The following CNTNAP5 variants were observed in gnomAD, a reference collection of about 807,000 sequenced individuals.
The protein encoded by CNTNAP5 is contactin associated protein family member 5.
Under a neutral mutation model 150.2 loss-of-function variants are expected in CNTNAP5, and 72 were observed. That is an observed-to-expected ratio of 0.48 (90% CI 0.40 to 0.58). The LOEUF (loss-of-function observed/expected upper bound fraction) is 0.58, where lower values mean the gene tolerates loss of function less well. Among genes scored for constraint, CNTNAP5 ranks in the 20% least tolerant of loss-of-function variants. The pLI is 0.00. For missense variants in CNTNAP5, 1,636 were observed against 1,626.2 expected, an observed-to-expected ratio of 1.01 and a Z score of -0.10; for synonymous variants, 672 against 619.8, an observed-to-expected ratio of 1.08 and a Z score of -1.25.
chr2:124,133,387 C>G lies in CNTNAP5; in HGVS notation c.83-88318C>G, dbSNP rs547331173. Among the ~76,000 whole-genome samples, 123 of 152,292 alleles carry G rather than the reference C, an allele frequency of 8.1e-4. 1 individual carries two copies. The highest frequency in any genetic ancestry group is 1.6e-3 in the Admixed American group (24 of 15,298). ...CAACACCTTTTGCAAAGTGACTTGCCTTCCTTGGATGATCTAAGCTTCCGT... is the reference window on the plus strand; with the variant it reads ...CAACACCTTTTGCAAAGTGACTTGCGTTCCTTGGATGATCTAAGCTTCCGT... On this transcript the variant is annotated intron_variant, in intron 1 of 23. Coordinates refer to ENST00000682447, the MANE Select transcript of CNTNAP5 (RefSeq NM_001367498.1).
At position 124,176,842 on chromosome 2, in the gene CNTNAP5, G is replaced by GTTTTTTTTTTTT. The variant is rs71394026; in HGVS notation, c.83-44854_83-44843dup. ...TCAGATAATGTCTTTGTTATTGCTG[G>GTTTTTTTTTTTT]TTTTTTTTTTTTTTTTTTTTACATG... On this transcript the variant is annotated intron_variant, in intron 1 of 23. Coordinates refer to ENST00000682447, the MANE Select transcript of CNTNAP5 (RefSeq NM_001367498.1). 2.3e-3 allele frequency among the ~76,000 whole-genome samples: 274 copies of GTTTTTTTTTTTT among 119,852 alleles called. 10 individuals carry two copies. The highest frequency in any genetic ancestry group is 3.2e-3 in the Non-Finnish European group (189 of 59,098). The allele number at this position is 119,852 out of a possible 152,430, so 78.6% of individuals were successfully genotyped here.
intron 1 of CNTNAP5, among the ~76,000 whole-genome samples, chr2:124,201,424 T>C (rs965151499): frequency 6.6e-6 from 1 of 152,242 alleles, no homozygotes; most frequent in African/African-American, 2.4e-5. Context: ...ATCCGTTATG[T>C]ATGATCACAT....
intron 6 of CNTNAP5, among the ~76,000 whole-genome samples, chr2:124,465,297 C>T (rs149049017): frequency 6.6e-6 from 1 of 152,236 alleles, no homozygotes; most frequent in East Asian, 1.9e-4. Flanking sequence ...ACCAGATGGA[C>T]TATGTTGTCC....
At chr2:124,678,161 T>C (rs1300055377) in intron 13 of CNTNAP5, among the ~76,000 whole-genome samples, 1 of 151,830 alleles carries the variant, frequency 6.6e-6, no homozygotes, top group African/African-American at 2.4e-5. Context: ...TGGGGTCCAG[T>C]GATCAATAGG....
chr2:124,838,090 A>T lies in CNTNAP5; in HGVS notation c.3218-27216A>T, dbSNP rs557384683. ...ATTCATTACCTTGATTCTTTGTAGA[A>T]TGTCTGCAAATGTAGCTTCAGAGGG... On this transcript the variant is annotated intron_variant, in intron 19 of 23. Coordinates refer to ENST00000682447, the MANE Select transcript of CNTNAP5 (RefSeq NM_001367498.1). Among the ~76,000 whole-genome samples the T allele has an allele frequency of 5.6e-4, 86 of 152,272 alleles. 1 individual carries two copies. The highest frequency in any genetic ancestry group is 4.8e-3 in the Admixed American group (74 of 15,260).
At chr2:124,583,665 T>A (rs1696463961) in intron 11 of CNTNAP5, among the ~76,000 whole-genome samples, 1 of 152,080 alleles carries the variant, frequency 6.6e-6, no homozygotes, top group Non-Finnish European at 1.5e-5. Flanking sequence ...TTTTGGGAGG[T>A]TTGGAAGGGG....
chr2:124,363,502 A>C (rs967762003), intron 3 of CNTNAP5, among the ~76,000 whole-genome samples: 1 of 152,118 alleles, frequency 6.6e-6, no homozygotes, highest in Non-Finnish European at 1.5e-5. Flanking sequence ...ATAGTTCCCA[A>C]ATCTTAGAAA....
At chr2:124,877,698 G>T (rs1057231433) in intron 21 of CNTNAP5, among the ~76,000 whole-genome samples, 1 of 152,016 alleles carries the variant, frequency 6.6e-6, no homozygotes, top group African/African-American at 2.4e-5. Flanking sequence ...GGGATCTGTT[G>T]GTAGTATTAA....
At chr2:124,610,941 C>A (rs934265188) in intron 12 of CNTNAP5, among the ~76,000 whole-genome samples, 4 of 113,920 alleles carry the variant, frequency 3.5e-5, no homozygotes, top group East Asian at 2.8e-4. Flanking sequence ...TGCGACAGGG[C>A]GAGACACCGT....
intron 3 of CNTNAP5, among the ~76,000 whole-genome samples, chr2:124,393,037 C>A (rs1249082202): frequency 6.6e-6 from 1 of 151,994 alleles, no homozygotes; most frequent in Non-Finnish European, 1.5e-5. Context: ...GTTTTGTTGT[C>A]TTTGCAATCC....
intron 21 of CNTNAP5, among the ~76,000 whole-genome samples, chr2:124,900,687 C>T (rs1291367023): frequency 6.6e-6 from 1 of 151,614 alleles, no homozygotes; most frequent in Non-Finnish European, 1.5e-5. Context: ...GCTTCTTTCC[C>T]ACTGAGTCCT....
intron 11 of CNTNAP5, among the ~76,000 whole-genome samples, chr2:124,570,240 A>G (rs144850483): frequency 2.6e-5 from 4 of 152,368 alleles, no homozygotes; most frequent in African/African-American, 9.6e-5. Context: ...TACTGTAGCA[A>G]GAGCATTGTT....
At chr2:124,425,835 G>A (rs939927882) in intron 4 of CNTNAP5, among the ~76,000 whole-genome samples, 7 of 152,092 alleles carry the variant, frequency 4.6e-5, no homozygotes, top group Admixed American at 1.3e-4. Context: ...GTATCTCAGA[G>A]CTCAGTACAG....
At chr2:124,539,551 C>A (rs1309733992) in intron 10 of CNTNAP5, among the ~76,000 whole-genome samples, 1 of 152,188 alleles carries the variant, frequency 6.6e-6, no homozygotes, top group African/African-American at 2.4e-5. Flanking sequence ...TATGTCACTT[C>A]TTTGTATCTT....
At chr2:124,660,803 G>T (rs1011657851) in intron 13 of CNTNAP5, among the ~76,000 whole-genome samples, 1 of 151,936 alleles carries the variant, frequency 6.6e-6, no homozygotes, top group African/African-American at 2.4e-5. Flanking sequence ...AATGAGCTGG[G>T]CACTGTGGCT....
intron 19 of CNTNAP5, among the ~76,000 whole-genome samples, 164 bp downstream of exon 19, chr2:124,798,484 T>C (rs573598766): frequency 1.1e-4 from 16 of 152,342 alleles, no homozygotes; most frequent in Admixed American, 5.9e-4. Context: ...CTTTATGAGA[T>C]GCAATTGGTA....
intron 3 of CNTNAP5, among the ~76,000 whole-genome samples, chr2:124,298,574 T>C (rs1361384763): frequency 6.6e-6 from 1 of 152,152 alleles, no homozygotes; most frequent in Non-Finnish European, 1.5e-5. Flanking sequence ...ATTTACTTAA[T>C]CTAAATGGGT....
chr2:124,028,889 T>A (rs1281623013), intron 1 of CNTNAP5, among the ~76,000 whole-genome samples: 1 of 152,120 alleles, frequency 6.6e-6, no homozygotes, highest in Non-Finnish European at 1.5e-5. Context: ...AATATGTTAC[T>A]GAGAAAATTA....
At chr2:124,666,346 A>G (rs1446316222) in intron 13 of CNTNAP5, among the ~76,000 whole-genome samples, 2 of 152,202 alleles carry the variant, frequency 1.3e-5, no homozygotes, top group African/African-American at 4.8e-5. Context: ...TATTTAAGAT[A>G]AGGAGGTCTG....
Sources: gnomAD v4.1 joint callset for allele counts (sites outside exome capture counted in the v4.1 genomes callset) on GRCh38, gnomAD v4.1.1 for gene constraint, MANE v1.5 for transcripts, NCBI Gene and HGNC (gene_info 2026-07-23, HGNC 2026-07-21) for gene names.